Variants in UBE3A observed in about 807,000 individuals in gnomAD.
UBE3A encodes the protein ubiquitin-protein ligase E3A.
In UBE3A, 6 loss-of-function variants were observed where a neutral mutation model predicts 83.4. The ratio of observed to expected loss-of-function variants is 0.07; its 90% CI spans 0.04 to 0.14. UBE3A has a LOEUF of 0.14. UBE3A is among the 10% of genes least tolerant of loss of function. UBE3A has a pLI of 1.00. For missense variants in UBE3A, 456 were observed against 1,036.1 expected, an observed-to-expected ratio of 0.44 and a Z score of 7.69; for synonymous variants, 337 against 355.4, an observed-to-expected ratio of 0.95 and a Z score of 0.58.
chr15:25,390,343 C>T (rs1372994202), intron 4 of UBE3A, among the ~76,000 whole-genome samples: 2 of 152,092 alleles, frequency 1.3e-5, no homozygotes, highest in Non-Finnish European at 2.9e-5. Context: ...AACCTGCACA[C>T]CGATATCTAC....
intron 2 of UBE3A, among the ~76,000 whole-genome samples, chr15:25,410,266 A>T (rs2089686561): frequency 6.6e-6 from 1 of 152,200 alleles, no homozygotes; most frequent in Admixed American, 6.5e-5. Context: ...ATGAAAGCAT[A>T]TCCTCCTCCC....
chr15:25,432,235 G>C lies in UBE3A; in HGVS notation c.-165+6254C>G, dbSNP rs148357672. Among the ~76,000 whole-genome samples, 320 of 152,276 alleles carry C rather than the reference G, an allele frequency of 2.1e-3. 1 individual carries two copies. Among genetic ancestry groups the C allele is most frequent in the Admixed American group, 4.2e-3 (65 of 15,304 alleles). On this transcript the variant is annotated intron_variant, in intron 1 of 12. Transcript: ENST00000648336. ...GACATATGTCCATAGTGAATACATG[G>C]TGCTTTATTGTTTTCAGTATTTCTA...
chr15:25,401,761 CTCT>C (rs1461760300), intron 4 of UBE3A, among the ~76,000 whole-genome samples: 1 of 152,076 alleles, frequency 6.6e-6, no homozygotes, highest in Non-Finnish European at 1.5e-5. Context: ...CTTGAGTCAT[CTCT>C]TTTTTCCTTA....
chr15:25,438,287 T>A (rs1285959246), intron 1 of UBE3A: 2 of 152,344 alleles, frequency 1.3e-5, no homozygotes, highest in African/African-American at 4.8e-5. Context: ...CAGCCAGGAC[T>A]GACAGTTACG....
At chr15:25,395,738 TAGAC>T (rs754941333) in intron 4 of UBE3A, among the ~76,000 whole-genome samples, 3 of 152,228 alleles carry the variant, frequency 2.0e-5, no homozygotes, top group Non-Finnish European at 4.4e-5. Flanking sequence ...GAGTTGTCAA[TAGAC>T]AGAGTCCTGG....
rs140623759 is a variant in UBE3A at position 25,367,725 on chromosome 15, A to G, written c.1608+2841T>C. Among the ~76,000 whole-genome samples the G allele has an allele frequency of 1.1e-4, 17 of 152,280 alleles. No homozygotes were observed. The East Asian group carries it at 3.3e-3, about 29-fold the overall frequency. On this transcript the variant is annotated intron_variant, in intron 6 of 12. Coordinates refer to ENST00000648336, the MANE Select transcript of UBE3A (RefSeq NM_130839.5). ...TCAGAGATTAGTGAAAATACTATCAACATGAATTCTTCTCTTGTCATCAAA... is the reference window on the plus strand; with the variant it reads ...TCAGAGATTAGTGAAAATACTATCAGCATGAATTCTTCTCTTGTCATCAAA...
chr15:25,350,604 G>A (rs2076359265), intron 11 of UBE3A, among the ~76,000 whole-genome samples: 1 of 151,980 alleles, frequency 6.6e-6, no homozygotes, highest in Non-Finnish European at 1.5e-5. Context: ...ACTCCTACAT[G>A]TTTGCCCAGG....
At position 25,438,517 on chromosome 15, in the gene UBE3A, G is replaced by A. The variant is rs924058847; in HGVS notation, c.-193C>T. ...TCGTCGCCCCCGCGCCTGGGCTGCG[G>A]CGGCCGCCTCACTGGTCGTAGTCGC... On this transcript the variant is annotated 5_prime_UTR_variant, in exon 1 of 13. Coordinates refer to ENST00000648336, the MANE Select transcript of UBE3A (RefSeq NM_130839.5). The A allele has an allele frequency of 2.6e-5, 4 of 152,574 alleles. No homozygotes were observed. Among genetic ancestry groups the A allele is most frequent in the African/African-American group, 9.6e-5 (4 of 41,452 alleles). The allele number at this position is 152,574 out of a possible 1,614,324, so 9.5% of individuals were successfully genotyped here.
At chr15:25,401,627 T>C (rs1567080938) in intron 4 of UBE3A, among the ~76,000 whole-genome samples, 1 of 152,224 alleles carries the variant, frequency 6.6e-6, no homozygotes, top group Non-Finnish European at 1.5e-5. Context: ...TGTACTTCTC[T>C]GGTATCAGCT....
intron 1 of UBE3A, among the ~76,000 whole-genome samples, chr15:25,435,773 C>G (rs1215516783): frequency 6.6e-6 from 1 of 152,152 alleles, no homozygotes; most frequent in Non-Finnish European, 1.5e-5. Flanking sequence ...CAGACTAAGA[C>G]ATCTAGTAAC....
chr15:25,369,613 T>C (rs2079965623), intron 6 of UBE3A, among the ~76,000 whole-genome samples: 1 of 152,174 alleles, frequency 6.6e-6, no homozygotes, highest in African/African-American at 2.4e-5. Flanking sequence ...TTGTTGACAT[T>C]AAATTTTACT....
chr15:25,339,083 A>G lies in UBE3A; in HGVS notation c.*54T>C. ...TCGTTATATTTTTAAAATTTTTTAA[A>G]TTTTTTCTTTTTTTTTCCTTCCTTT... is the stretch of plus-strand genomic sequence containing the variant. On this transcript the variant is annotated 3_prime_UTR_variant, in exon 13 of 13. Transcript: ENST00000648336. The G allele has an allele frequency of 1.4e-6, 2 of 1,476,372 alleles. No homozygotes were observed. Among genetic ancestry groups the G allele is most frequent in the African/African-American group, 1.4e-5 (1 of 69,658 alleles). 91.5% of individuals were successfully genotyped at this position (1,476,372 alleles called of 1,614,324 possible). A position where few individuals can be genotyped will look rare whatever the true frequency, so the allele number is the denominator to read the frequency against.
Position 25,339,017 on chromosome 15 carries a change from CT to C in UBE3A, c.*119del. ...CTACTGTGGTTGACTATCTTACAGCCTTTTTGTACTGGGACACTATCACCAC... is the reference window on the plus strand; with the variant it reads ...CTACTGTGGTTGACTATCTTACAGCCTTTTGTACTGGGACACTATCACCAC... On this transcript the variant is annotated 3_prime_UTR_variant, in exon 13 of 13. Transcript: ENST00000648336. 1.7e-6 allele frequency: 2 copies of C among 1,194,620 alleles called. No homozygotes were observed. The highest frequency in any genetic ancestry group is 2.2e-6 in the Non-Finnish European group (2 of 898,146). 74.0% of individuals were successfully genotyped at this position (1,194,620 alleles called of 1,614,324 possible).
intron 12 of UBE3A, 166 bp downstream of exon 12, chr15:25,339,919 C>T: frequency 2.2e-6 from 2 of 908,318 alleles, no homozygotes; most frequent in Non-Finnish European, 3.3e-6. Context: ...TTAAAAGTTT[C>T]CTCACACAAT....
intron 1 of UBE3A, among the ~76,000 whole-genome samples, chr15:25,430,127 TTATA>T (rs1287400442): frequency 8.8e-5 from 6 of 68,160 alleles, no homozygotes; most frequent in Non-Finnish European, 1.4e-4. Context: ...ATATATAAGA[TTATA>T]TATATATTAT....
At chr15:25,345,920 G>A (rs1047371158) in intron 11 of UBE3A, 2 of 152,066 alleles carry the variant, frequency 1.3e-5, no homozygotes, top group Admixed American at 1.3e-4. Context: ...GAATAAAACA[G>A]AACAATAATA....
rs1895885772 is a variant in UBE3A, at chr15:25,438,560, G to A, written c.-236C>T. ...GTAGTCGCCCTCGCCCGCCGCCTCC[G>A]CCCGCCACCGCCTCGTTCTCTTTCG... On this transcript the variant is annotated 5_prime_UTR_variant, in exon 1 of 13. Transcript: ENST00000648336. The A allele has an allele frequency of 1.3e-5, 2 of 153,752 alleles. No individual in the cohort carries two copies. Among genetic ancestry groups the A allele is most frequent in the African/African-American group, 2.4e-5 (1 of 41,456 alleles). The allele number at this position is 153,752 out of a possible 1,614,324, so 9.5% of individuals were successfully genotyped here.
At chr15:25,416,964 GAA>G (rs2153116082) in intron 1 of UBE3A, among the ~76,000 whole-genome samples, 1 of 152,248 alleles carries the variant, frequency 6.6e-6, no homozygotes, top group East Asian at 1.9e-4. Flanking sequence ...TGAGAAAGCT[GAA>G]GTGGGTAAAA....
At chr15:25,410,430 A>C (rs2089741476) in intron 2 of UBE3A, among the ~76,000 whole-genome samples, 1 of 152,148 alleles carries the variant, frequency 6.6e-6, no homozygotes, top group African/African-American at 2.4e-5. Flanking sequence ...CATTTTGTGC[A>C]ACTAGTTCTT....
Sources: allele counts gnomAD v4.1 joint callset (sites outside exome capture counted in the v4.1 genomes callset), GRCh38; gene constraint gnomAD v4.1.1; transcripts MANE v1.5; gene names NCBI Gene and HGNC (gene_info 2026-07-23, HGNC 2026-07-21).